CLCN1: variants seen among roughly 807,000 people sequenced by gnomAD.
CLCN1 encodes the protein chloride voltage-gated channel 1.
Under a neutral mutation model 114.5 loss-of-function variants are expected in CLCN1, and 100 were observed. That is an observed-to-expected ratio of 0.87 (90% CI 0.74 to 1.03). The LOEUF (loss-of-function observed/expected upper bound fraction) is 1.03, where lower values mean the gene tolerates loss of function less well. CLCN1 is among the 50% of genes least tolerant of loss of function. CLCN1 has a pLI of 0.00. For synonymous variants in CLCN1, 485 were observed against 487.1 expected (o/e 1.00, Z 0.06); for missense variants, 1,188 against 1,250.0 (o/e 0.95, Z 0.75).
chr7:143,331,515 T>A, intron 9 of CLCN1, 36 bp from the exon 10 acceptor site: 2 of 1,443,198 alleles, frequency 1.4e-6, no homozygotes, highest in Non-Finnish European at 2.0e-6. Context: ...GGATTTCATG[T>A]CTGTAAGATT....
Position 143,345,565 on chromosome 7 carries a change from G to A in CLCN1, c.1975G>A (p.Ala659Thr). Residue 659 changes from alanine to threonine, a missense_variant, in exon 17 of 23, where the codon GCC becomes ACC. Ala to Thr is a moderately conservative substitution (Grantham distance 58, BLOSUM62 0). Coordinates refer to ENST00000343257, the MANE Select transcript of CLCN1 (RefSeq NM_000083.3). ...LGSVERSELQ[A>T]LLQRHLCPER... ...CTCGGTGGAGCGGTCGGAACTGCAG[G>A]CCCTCCTGCAGCGCCACCTGTGTCC... is the stretch of plus-strand genomic sequence containing the variant. The A allele has an allele frequency of 6.5e-7, 1 of 1,546,208 alleles. No homozygotes were observed. The highest frequency in any genetic ancestry group is 8.7e-7 in the Non-Finnish European group (1 of 1,143,776).
intron 12 of CLCN1, among the ~76,000 whole-genome samples, chr7:143,336,715 T>G (rs1802913340): frequency 6.6e-6 from 1 of 151,796 alleles, no homozygotes; most frequent in Non-Finnish European, 1.5e-5. Flanking sequence ...TGTTTCACAT[T>G]ACTTCTGGAT....
chr7:143,317,174 G>A (rs571824015), intron 1 of CLCN1, among the ~76,000 whole-genome samples: 2 of 151,948 alleles, frequency 1.3e-5, no homozygotes, highest in Admixed American at 6.6e-5. Context: ...ATAAGTAAGT[G>A]TGCCTCTCCC....
At chr7:143,320,847 G>A in intron 3 of CLCN1, 52 bp downstream of exon 3, 3 of 1,608,788 alleles carry the variant, frequency 1.9e-6, no homozygotes, top group Non-Finnish European at 2.6e-6. Context: ...TTTCTACCTA[G>A]GGTAAGCAGG....
Position 143,351,679 on chromosome 7 carries a change from G to A in CLCN1, c.2681G>A (p.Arg894Gln), listed in dbSNP as rs145412643. 8.6e-5 allele frequency: 138 copies of A among 1,614,026 alleles called. No homozygotes were observed. Among genetic ancestry groups the A allele is most frequent in the Non-Finnish European group, 1.1e-4 (130 of 1,180,042 alleles). The change falls in exon 23 of 23, where the codon CGA becomes CAA. Residue 894 changes from arginine (R) to glutamine (Q), a missense_variant. Coordinates refer to ENST00000343257, the MANE Select transcript of CLCN1 (RefSeq NM_000083.3). Reference protein sequence around the residue: ...LASFRNTTSTRKSTGAPPSSA... With the variant: ...LASFRNTTSTQKSTGAPPSSA... Reference sequence around the variant, plus strand: ...AGCTTCCGGAACACGACTTCAACTCGAAAGAGTACCGGGGCACCTCCATCT... The same window carrying A: ...AGCTTCCGGAACACGACTTCAACTCAAAAGAGTACCGGGGCACCTCCATCT...
In CLCN1 at chr7:143,320,714, G is replaced by T. The variant is rs10282312; in HGVS notation, c.352G>T (p.Gly118Trp). The change falls in exon 3 of 23, where the codon GGG becomes TGG. Residue 118 changes from glycine to tryptophan, a missense_variant. By Grantham distance (184) the Gly-to-Trp change is radical. Coordinates refer to ENST00000343257, the MANE Select transcript of CLCN1 (RefSeq NM_000083.3). The part of the protein sequence containing the change: ...QVVRRKLGED[G>W]IFLVLLGLLM... ...GGTGAGAAGAAAATTAGGGGAAGACGGGATCTTTCTGGTGCTTCTGGGACT... is the reference window on the plus strand; with the variant it reads ...GGTGAGAAGAAAATTAGGGGAAGACTGGATCTTTCTGGTGCTTCTGGGACT... 0.98 allele frequency: 1,576,223 copies of T among 1,613,664 alleles called. 769,979 individuals are homozygous for T. Among genetic ancestry groups the T allele is most frequent in the East Asian group, 1 (44,860 of 44,862 alleles).
At chr7:143,322,879 G>A (rs1802479157) in intron 5 of CLCN1, among the ~76,000 whole-genome samples, 1 of 152,238 alleles carries the variant, frequency 6.6e-6, no homozygotes, top group Admixed American at 6.5e-5. Flanking sequence ...CCTCTCTGCA[G>A]GCCTGTGCCC....
Position 143,336,831 on chromosome 7 carries a change from C to T in CLCN1, c.1402-2422C>T, listed in dbSNP as rs116890005. ...AATGTCTTCTGATTGTAATACTGTT[C>T]TTACACATATCTTGGAGGATAATCT... On this transcript the variant is annotated intron_variant, in intron 12 of 22. Coordinates refer to ENST00000343257, the MANE Select transcript of CLCN1 (RefSeq NM_000083.3). Among the ~76,000 whole-genome samples the T allele has an allele frequency of 8.0e-3, 1,224 of 152,168 alleles. 9 individuals are homozygous for T. The highest frequency in any genetic ancestry group is 0.028 in the Middle Eastern group (8 of 290).
At chr7:143,320,039 A>G (rs1308451718) in intron 2 of CLCN1, among the ~76,000 whole-genome samples, 164 bp downstream of exon 2, 1 of 152,214 alleles carries the variant, frequency 6.6e-6, no homozygotes, top group East Asian at 1.9e-4. Context: ...TTCAGACTGA[A>G]GTGCAGTGGA....
intron 1 of CLCN1, among the ~76,000 whole-genome samples, 157 bp downstream of exon 1, chr7:143,316,549 C>A (rs925231316): frequency 3.3e-5 from 5 of 152,188 alleles, no homozygotes; most frequent in Admixed American, 6.5e-5. Flanking sequence ...ATATGAAAAT[C>A]TTTGAAAGTC....
chr7:143,346,206 C>G lies in CLCN1; in HGVS notation c.2239C>G (p.Pro747Ala). 1 of 1,613,744 alleles carries G rather than the reference C, an allele frequency of 6.2e-7. No homozygotes were observed. The highest frequency in any genetic ancestry group is 8.5e-7 in the Non-Finnish European group (1 of 1,179,790). Reference sequence around the variant, plus strand: ...TCTGTCCCCAGAAGAGCCCAATGGGCCTCTGCCTGGCCACAAACAGCAGCC... The same window carrying G: ...TCTGTCCCCAGAAGAGCCCAATGGGGCTCTGCCTGGCCACAAACAGCAGCC... ...APLSPEEPNG[P>A]LPGHKQQPEA... Residue 747 changes from proline to alanine, a missense_variant, in exon 18 of 23, where the codon CCT (proline) becomes GCT (alanine). By Grantham distance (27) the Pro-to-Ala change is conservative. Coordinates refer to ENST00000343257, the MANE Select transcript of CLCN1 (RefSeq NM_000083.3).
At chr7:143,342,294 G>A in intron 15 of CLCN1, 78 bp from the exon 16 acceptor site, 1 of 1,575,162 alleles carries the variant, frequency 6.3e-7, no homozygotes, top group African/African-American at 1.3e-5. Flanking sequence ...GTGACTGAAA[G>A]TATGGCAAAT....
At position 143,337,807 on chromosome 7, in the gene CLCN1, C is replaced by CTTTTTTTTTTTTTTTTTTTTTTT. The variant is rs869078445; in HGVS notation, c.1402-1431_1402-1409dup. 1.3e-4 allele frequency among the ~76,000 whole-genome samples: 6 copies of CTTTTTTTTTTTTTTTTTTTTTTT among 46,046 alleles called. 3 individuals carry two copies. The highest frequency in any genetic ancestry group is 7.3e-4 in the Admixed American group (2 of 2,724). The allele number at this position is 46,046 out of a possible 152,430, so 30.2% of individuals were successfully genotyped here. ...CTTTTTTCCATTCTATTTCTCAATT[C>CTTTTTTTTTTTTTTTTTTTTTTT]TTTTTTTTTTTTTTTTTTTTTTTTT... is the stretch of plus-strand genomic sequence containing the variant. On this transcript the variant is annotated intron_variant, in intron 12 of 22. Transcript: ENST00000343257.
At chr7:143,332,312 G>T in intron 10 of CLCN1, 107 bp from the exon 11 acceptor site, 1 of 885,266 alleles carries the variant, frequency 1.1e-6, no homozygotes, top group Non-Finnish European at 1.9e-6. Context: ...TTCATTTAAA[G>T]AAATGAGACT....
Position 143,342,478 on chromosome 7 carries a change from AAG to A in CLCN1, c.1905_1906del (p.Lys635AsnfsTer6). 6.2e-7 allele frequency: 1 copy of A among 1,614,204 alleles called. No individual in the cohort carries two copies. Among genetic ancestry groups the A allele is most frequent in the Non-Finnish European group, 8.5e-7 (1 of 1,180,036 alleles). On this transcript the variant is annotated frameshift_variant, in exon 16 of 23. Coordinates refer to ENST00000343257, the MANE Select transcript of CLCN1 (RefSeq NM_000083.3). LOFTEE classifies it high-confidence loss of function. ...AACCCTGCTCCAGACCACCACAGTC[AAG>A]ACTTTACCACTGGTTGACTCAAAAG... ...LRTLLQTTTV[K>X]TLPLVDSKDS...
In CLCN1 at chr7:143,321,317, C is replaced by A. The variant is rs374559714; in HGVS notation, c.434-48C>A. On this transcript the variant is annotated intron_variant, in intron 3 of 22. Transcript: ENST00000343257. This position sits in a 1 kb window ranked among gnomAD's most constrained non-coding sequence, Gnocchi z 4.2. Reference sequence around the variant, plus strand: ...GGTACACGTCCTGGTGCCGTGGACACGGCTGCTCAGCCATGTTCTGCCTAA... The same window carrying A: ...GGTACACGTCCTGGTGCCGTGGACAAGGCTGCTCAGCCATGTTCTGCCTAA... 3 of 1,610,248 alleles carry A rather than the reference C, an allele frequency of 1.9e-6. No individual in the cohort carries two copies. The highest frequency in any genetic ancestry group is 2.5e-6 in the Non-Finnish European group (3 of 1,177,988).
intron 2 of CLCN1, 108 bp from the exon 3 acceptor site, chr7:143,320,556 T>TGG: frequency 4.1e-6 from 2 of 491,060 alleles, no homozygotes. Context: ...GCTGCTTTTC[T>TGG]CTCTCTCTCT....
rs1802291843 is a variant in CLCN1, at chr7:143,316,349, T to C, written c.137T>C (p.Leu46Pro). Residue 46 changes from leucine to proline, a missense_variant, in exon 1 of 23, where the codon CTC becomes CCC. Coordinates refer to ENST00000343257, the MANE Select transcript of CLCN1 (RefSeq NM_000083.3). Reference sequence around the variant, plus strand: ...GAGAATGGGGGCCTCCAGCACAGGCTCCGGAAGGATGCAGGCCCCCGCCAC... The same window carrying C: ...GAGAATGGGGGCCTCCAGCACAGGCCCCGGAAGGATGCAGGCCCCCGCCAC... The part of the protein sequence containing the change: ...PSENGGLQHR[L>P]RKDAGPRHNV... 2.5e-6 allele frequency: 4 copies of C among 1,610,740 alleles called. No individual in the cohort carries two copies. Among genetic ancestry groups the C allele is most frequent in the Non-Finnish European group, 3.4e-6 (4 of 1,179,758 alleles).
At chr7:143,319,180 G>T (rs947416039) in intron 1 of CLCN1, among the ~76,000 whole-genome samples, 1 of 152,168 alleles carries the variant, frequency 6.6e-6, no homozygotes, top group Non-Finnish European at 1.5e-5. Flanking sequence ...CTGCCTTTTC[G>T]GGCTAGTTCT....
Sources: gnomAD v4.1 joint callset for allele counts (sites outside exome capture counted in the v4.1 genomes callset) on GRCh38, gnomAD v4.1.1 for gene constraint, Gnocchi (gnomAD v3.1) non-coding constraint, MANE v1.5 for transcripts, NCBI Gene and HGNC (gene_info 2026-07-23, HGNC 2026-07-21) for gene names.